Variants in RORA observed in about 807,000 individuals in gnomAD.
The protein encoded by RORA is RAR related orphan receptor A, also known as nuclear receptor ROR-alpha.
Under a neutral mutation model 69.5 loss-of-function variants are expected in RORA, and 7 were observed. The observed-to-expected ratio is 0.10, with a 90% confidence interval of 0.06 to 0.19. The LOEUF is 0.19. RORA is among the 10% of genes least tolerant of loss of function. RORA has a pLI of 1.00. For synonymous variants in RORA, 261 were observed against 240.8 expected (o/e 1.08, Z -0.78); for missense variants, 457 against 663.0 (o/e 0.69, Z 3.41).
At chr15:60,591,327 G>A (rs1388698387) in intron 2 of RORA, among the ~76,000 whole-genome samples, 3 of 152,196 alleles carry the variant, frequency 2.0e-5, no homozygotes, top group South Asian at 2.1e-4. Context: ...GCTGCGGGCT[G>A]AGTTTCTCCG....
intron 1 of RORA, among the ~76,000 whole-genome samples, chr15:60,935,099 G>C (rs1892482380): frequency 6.6e-6 from 1 of 152,224 alleles, no homozygotes; most frequent in Admixed American, 6.5e-5. Flanking sequence ...TTTTCTGAAT[G>C]AATGAATAAA....
chr15:60,829,281 C>A (rs1595748344), intron 1 of RORA, among the ~76,000 whole-genome samples: 1 of 152,300 alleles, frequency 6.6e-6, no homozygotes, highest in South Asian at 2.1e-4. Context: ...GTCACTGCTG[C>A]CCGGAGCACC....
chr15:60,876,012 A>G (rs961617375), intron 1 of RORA, among the ~76,000 whole-genome samples: 2 of 152,206 alleles, frequency 1.3e-5, no homozygotes, highest in East Asian at 3.8e-4. Context: ...TTTGAAGACC[A>G]CAGTTGTTCA....
At chr15:61,177,911 G>A (rs1003152673) in intron 1 of RORA, among the ~76,000 whole-genome samples, 8 of 151,008 alleles carry the variant, frequency 5.3e-5, no homozygotes, top group South Asian at 2.1e-4. Flanking sequence ...GCAGTGAGCC[G>A]AGATTGCACC....
chr15:60,847,655 C>T (rs948283616), intron 1 of RORA: 2 of 151,690 alleles, frequency 1.3e-5, no homozygotes, highest in Admixed American at 6.6e-5. Flanking sequence ...ATAAAACCCA[C>T]ACTAGATATT....
rs115940369 is a variant in RORA at position 60,759,659 on chromosome 15, C to T, written c.167-80973G>A. On this transcript the variant is annotated intron_variant, in intron 1 of 10. Coordinates refer to ENST00000335670, the MANE Select transcript of RORA (RefSeq NM_134261.3). ...ATCTGCCTCTAATGTAATCTGACAT[C>T]GTCCCTACTCTCTGATTAACCACTT... Among the ~76,000 whole-genome samples the T allele has an allele frequency of 6.8e-3, 1,036 of 152,278 alleles. 7 individuals are homozygous for T. The highest frequency in any genetic ancestry group is 0.022 in the African/African-American group (919 of 41,554).
intron 2 of RORA, among the ~76,000 whole-genome samples, chr15:60,559,147 T>C (rs2067460105): frequency 6.6e-6 from 1 of 152,146 alleles, no homozygotes; most frequent in South Asian, 2.1e-4. Context: ...AGTATTTTAC[T>C]CTTCTCGAAA....
rs200696927 is a variant in RORA, at chr15:61,017,016, CATT to C, written c.166+212034_166+212036del. ...ATAAAACATATCATAAAAGTCACAC[CATT>C]ATTATTATTATTATCATTGATTACC... On this transcript the variant is annotated intron_variant, in intron 1 of 10. Transcript: ENST00000335670. 2.5e-3 allele frequency among the ~76,000 whole-genome samples: 380 copies of C among 152,084 alleles called. 2 individuals carry two copies. The highest frequency in any genetic ancestry group is 6.3e-3 in the African/African-American group (260 of 41,514).
intron 1 of RORA, among the ~76,000 whole-genome samples, chr15:60,987,392 A>T (rs1224735522): frequency 6.6e-6 from 1 of 152,182 alleles, no homozygotes; most frequent in Non-Finnish European, 1.5e-5. Flanking sequence ...GTACTGCATG[A>T]TGGGAAAACC....
At chr15:60,977,572 A>C (rs1049437231) in intron 1 of RORA, among the ~76,000 whole-genome samples, 2 of 152,186 alleles carry the variant, frequency 1.3e-5, no homozygotes, top group African/African-American at 2.4e-5. Flanking sequence ...ATTCCAGAAC[A>C]TGACCCCAAA....
chr15:60,877,341 T>C (rs902590184), intron 1 of RORA, among the ~76,000 whole-genome samples: 4 of 152,170 alleles, frequency 2.6e-5, no homozygotes, highest in Non-Finnish European at 5.9e-5. Context: ...CTCATCTACC[T>C]CTCTCTCCCC....
At chr15:61,166,641 AAT>A (rs1426180216) in intron 1 of RORA, among the ~76,000 whole-genome samples, 1 of 152,094 alleles carries the variant, frequency 6.6e-6, no homozygotes, top group Non-Finnish European at 1.5e-5. Flanking sequence ...ACAGCTAAAG[AAT>A]ATGTGGCCTC....
At chr15:60,875,527 G>T in intron 1 of RORA, among the ~76,000 whole-genome samples, 1 of 152,134 alleles carries the variant, frequency 6.6e-6, no homozygotes, top group South Asian at 2.1e-4. Flanking sequence ...TGATCCATGA[G>T]TAATAAATGT....
chr15:60,666,538 T>A (rs2070385346), intron 2 of RORA, among the ~76,000 whole-genome samples: 2 of 151,992 alleles, frequency 1.3e-5, no homozygotes, highest in African/African-American at 4.8e-5. Context: ...GCAACTATTC[T>A]GCAATACATT....
At chr15:60,727,468 A>G (rs2071375173) in intron 1 of RORA, among the ~76,000 whole-genome samples, 1 of 152,164 alleles carries the variant, frequency 6.6e-6, no homozygotes, top group Admixed American at 6.5e-5. Flanking sequence ...AATCCCATCC[A>G]CAATAAGAGC....
chr15:61,004,036 T>C (rs1291249691), intron 1 of RORA, among the ~76,000 whole-genome samples: 1 of 152,038 alleles, frequency 6.6e-6, no homozygotes, highest in Non-Finnish European at 1.5e-5. Flanking sequence ...CAAGATCCCA[T>C]TGTGGAGGGA....
intron 1 of RORA, among the ~76,000 whole-genome samples, chr15:61,110,620 T>C (rs1048414942): frequency 6.6e-6 from 1 of 152,158 alleles, no homozygotes; most frequent in African/African-American, 2.4e-5. Flanking sequence ...GACAGCTCAA[T>C]GCCTGTTATT....
At chr15:60,656,041 A>C (rs1300483312) in intron 2 of RORA, among the ~76,000 whole-genome samples, 2 of 152,224 alleles carry the variant, frequency 1.3e-5, no homozygotes. Flanking sequence ...AACTGGAGAA[A>C]TTTAGATGAT....
intron 1 of RORA, among the ~76,000 whole-genome samples, chr15:60,707,429 T>C (rs891670257): frequency 1.3e-5 from 2 of 151,976 alleles, no homozygotes; most frequent in Non-Finnish European, 2.9e-5. Flanking sequence ...AATGGCGTGA[T>C]CTCGGCTCAC....
Sources: allele counts gnomAD v4.1 joint callset (sites outside exome capture counted in the v4.1 genomes callset), GRCh38; gene constraint gnomAD v4.1.1; transcripts MANE v1.5; gene names NCBI Gene and HGNC (gene_info 2026-07-23, HGNC 2026-07-21).